RBFOX1: variants seen among roughly 807,000 people sequenced by gnomAD.
The protein encoded by RBFOX1 is RNA binding fox-1 homolog 1, also known as RNA binding protein fox-1 homolog 1.
RBFOX1 carries 8 observed loss-of-function variants against 57.7 expected under a neutral mutation model. The observed-to-expected ratio is 0.14, with a 90% CI of 0.08 to 0.25. The LOEUF is 0.25. RBFOX1 is among the 10% of genes least tolerant of loss of function. The pLI, the probability that RBFOX1 is intolerant of heterozygous loss-of-function variation, is 1.00. For synonymous variants in RBFOX1, 326 were observed against 222.4 expected, an observed-to-expected ratio of 1.47 and a Z score of -4.15; for missense variants, 611 against 548.5, an observed-to-expected ratio of 1.11 and a Z score of -1.14.
intron 4 of RBFOX1, among the ~76,000 whole-genome samples, chr16:7,060,284 G>T (rs1316820254): frequency 6.6e-6 from 1 of 152,120 alleles, no homozygotes; most frequent in East Asian, 1.9e-4. Context: ...CAGGCAGTGG[G>T]CCATAGTTAG....
chr16:7,574,517 G>C (rs1212445075), intron 5 of RBFOX1, among the ~76,000 whole-genome samples: 1 of 152,162 alleles, frequency 6.6e-6, no homozygotes, highest in Non-Finnish European at 1.5e-5. Flanking sequence ...GAGTCCAAAA[G>C]CTGAAGAACT....
Position 5,715,243 on chromosome 16 carries a change from C to T in RBFOX1, c.318+116282C>T, listed in dbSNP as rs576233514. On this transcript the variant is annotated intron_variant, in intron 3 of 19. Coordinates refer to the RBFOX1 transcript ENST00000641259. ...CCTATAAATCAGGTCTGCCTTATTT[C>T]GAAATCTAATTCAATTACAGAGAAG... 1.1e-4 allele frequency among the ~76,000 whole-genome samples: 16 copies of T among 152,230 alleles called. No homozygotes were observed. In the South Asian group the frequency reaches 1.7e-3, roughly 16 times the overall value.
At chr16:7,157,733 C>T (rs1040886520) in intron 4 of RBFOX1, among the ~76,000 whole-genome samples, 5 of 152,122 alleles carry the variant, frequency 3.3e-5, no homozygotes, top group African/African-American at 1.2e-4. Context: ...CACTGCAGCT[C>T]TTCACTGGGC....
chr16:7,556,738 A>T (rs1204817855), intron 5 of RBFOX1, among the ~76,000 whole-genome samples: 1 of 152,200 alleles, frequency 6.6e-6, no homozygotes, highest in Non-Finnish European at 1.5e-5. Context: ...TAAAATGGGC[A>T]TAATTTTACC....
intron 4 of RBFOX1, among the ~76,000 whole-genome samples, chr16:7,254,950 C>G (rs552507800): frequency 6.6e-6 from 1 of 152,194 alleles, no homozygotes; most frequent in South Asian, 2.1e-4. Flanking sequence ...TCATTAATGG[C>G]TCAACCGTTA....
At chr16:7,623,702 A>T (rs76850787) in intron 10 of RBFOX1, among the ~76,000 whole-genome samples, 15 of 152,244 alleles carry the variant, frequency 9.9e-5, no homozygotes, top group Non-Finnish European at 1.9e-4. Flanking sequence ...GGCTTAAACA[A>T]CAGAAATTTA....
chr16:6,815,901 C>T (rs928659865), intron 3 of RBFOX1, among the ~76,000 whole-genome samples: 1 of 152,174 alleles, frequency 6.6e-6, no homozygotes, highest in Non-Finnish European at 1.5e-5. Context: ...AATTTACTTC[C>T]ACTGAAGGAA....
chr16:6,360,297 G>C (rs555439442), intron 2 of RBFOX1, among the ~76,000 whole-genome samples: 5 of 151,960 alleles, frequency 3.3e-5, no homozygotes, highest in African/African-American at 9.7e-5. Context: ...AAGATCATGA[G>C]GTGCCAAAAT....
chr16:6,652,271 A>T (rs1342305675), intron 2 of RBFOX1, among the ~76,000 whole-genome samples: 1 of 152,144 alleles, frequency 6.6e-6, no homozygotes, highest in Non-Finnish European at 1.5e-5. Context: ...CAATATGGTG[A>T]AATCCCATCT....
chr16:6,660,006 T>C (rs1268056681), intron 3 of RBFOX1, among the ~76,000 whole-genome samples: 1 of 151,898 alleles, frequency 6.6e-6, no homozygotes, highest in Admixed American at 6.6e-5. Context: ...TGAGGCGGCC[T>C]CCAAGATCAG....
At chr16:5,902,115 T>C (rs1363018856) in intron 4 of RBFOX1, among the ~76,000 whole-genome samples, 5 of 152,262 alleles carry the variant, frequency 3.3e-5, no homozygotes, top group East Asian at 3.8e-4. Flanking sequence ...CTCTAAATAC[T>C]GTCAATTACC....
chr16:7,697,595 A>G (rs1369208338), intron 14 of RBFOX1, among the ~76,000 whole-genome samples: 1 of 152,190 alleles, frequency 6.6e-6, no homozygotes, highest in Non-Finnish European at 1.5e-5. Context: ...TAGTTCAACG[A>G]GGTGTTATCC....
At chr16:7,116,500 A>T (rs1219343378) in intron 4 of RBFOX1, among the ~76,000 whole-genome samples, 1 of 152,132 alleles carries the variant, frequency 6.6e-6, no homozygotes, top group Non-Finnish European at 1.5e-5. Flanking sequence ...TTCACAAGTA[A>T]ATAAGTAGTC....
At chr16:5,384,867 A>T (rs2066218144) in intron 1 of RBFOX1, among the ~76,000 whole-genome samples, 1 of 152,154 alleles carries the variant, frequency 6.6e-6, no homozygotes, top group Non-Finnish European at 1.5e-5. Flanking sequence ...TTCCTACCTC[A>T]TCAGGTGGTC....
intron 2 of RBFOX1, among the ~76,000 whole-genome samples, chr16:6,617,052 G>A (rs1415461762): frequency 6.6e-6 from 1 of 152,068 alleles, no homozygotes; most frequent in African/African-American, 2.4e-5. Flanking sequence ...GGTATACAGT[G>A]TTGATCTTTG....
intron 2 of RBFOX1, among the ~76,000 whole-genome samples, chr16:6,653,742 A>ATGGATGGG (rs1277227103): frequency 1.3e-5 from 2 of 151,660 alleles, no homozygotes; most frequent in African/African-American, 4.8e-5. Context: ...GGATAGATGG[A>ATGGATGGG]TGGATGGGTG....
At position 7,425,853 on chromosome 16, in the gene RBFOX1, A is replaced by G. The variant is rs371401156; in HGVS notation, c.28-92294A>G. On this transcript the variant is annotated intron_variant, in intron 4 of 15. Transcript: ENST00000550418. ...AATACTGCCTTGTTAATTTGTTTCT[A>G]TTTTACATGAGCATTATACAAACAG... Among the ~76,000 whole-genome samples, 6 of 152,074 alleles carry G rather than the reference A, an allele frequency of 3.9e-5. No individual in the cohort carries two copies. In the South Asian group the frequency reaches 1.0e-3, roughly 26 times the overall value.
At chr16:5,971,305 G>GT (rs2059957791) in intron 4 of RBFOX1, among the ~76,000 whole-genome samples, 1 of 152,194 alleles carries the variant, frequency 6.6e-6, no homozygotes, top group Non-Finnish European at 1.5e-5. Flanking sequence ...CATGTGACAG[G>GT]AAATGACATC....
At chr16:5,460,848 G>A (rs1347690044) in intron 1 of RBFOX1, among the ~76,000 whole-genome samples, 1 of 152,188 alleles carries the variant, frequency 6.6e-6, no homozygotes, top group Non-Finnish European at 1.5e-5. Context: ...TCCCATTGCA[G>A]GAGCGGAGCA....
Sources: gnomAD v4.1 joint callset for allele counts (sites outside exome capture counted in the v4.1 genomes callset) on GRCh38, gnomAD v4.1.1 for gene constraint, MANE v1.5 for transcripts, NCBI Gene and HGNC (gene_info 2026-07-23, HGNC 2026-07-21) for gene names.